Variants in CSMD1 observed in about 807,000 individuals in gnomAD.
The protein encoded by CSMD1 is CUB and Sushi multiple domains 1.
A neutral mutation model predicts 417.5 loss-of-function variants in CSMD1; 213 were observed. That is an observed-to-expected ratio of 0.51 (90% CI 0.46 to 0.57). The LOEUF (loss-of-function observed/expected upper bound fraction) is 0.57. Among genes scored for constraint, CSMD1 ranks in the 20% least tolerant of loss-of-function variants. The pLI is 0.00. For synonymous variants in CSMD1, 2,862 were observed against 1,736.8 expected, an observed-to-expected ratio of 1.65 and a Z score of -16.11; for missense variants, 6,923 against 4,529.7, an observed-to-expected ratio of 1.53 and a Z score of -15.17.
At chr8:4,534,056 C>T (rs11136748) in intron 2 of CSMD1, among the ~76,000 whole-genome samples, 61,051 of 151,750 alleles carry the variant, frequency 0.4, 12,684 homozygotes, top group Middle Eastern at 0.5. Flanking sequence ...TATTGTAATT[C>T]AGGCATATGT....
In CSMD1 at chr8:4,604,408, T is replaced by TGC. The variant is rs766177830; in HGVS notation, c.302+32933_302+32934insGC. Among the ~76,000 whole-genome samples the TGC allele has an allele frequency of 2.0e-4, 12 of 59,388 alleles. No individual in the cohort carries two copies. In the East Asian group the frequency reaches 3.1e-3, roughly 16 times the overall value. The allele number at this position is 59,388 out of a possible 152,430, so 39.0% of individuals were successfully genotyped here. ...GTGTGTGTGTGTGTGTGTGTGTGTGTGTGCGCGTGCGTAAAGACTAGGATC... is the reference window on the plus strand; with the variant it reads ...GTGTGTGTGTGTGTGTGTGTGTGTGTGCGTGCGCGTGCGTAAAGACTAGGATC... On this transcript the variant is annotated intron_variant, in intron 2 of 69. Transcript: ENST00000635120.
chr8:3,153,719 G>A (rs1031258830), intron 39 of CSMD1, among the ~76,000 whole-genome samples: 5 of 152,150 alleles, frequency 3.3e-5, no homozygotes, highest in Non-Finnish European at 4.4e-5. Context: ...GGACCTCAGC[G>A]TAGACAGCAT....
chr8:4,113,590 G>A (rs1801974762), intron 3 of CSMD1, among the ~76,000 whole-genome samples: 1 of 151,950 alleles, frequency 6.6e-6, no homozygotes, highest in Non-Finnish European at 1.5e-5. Flanking sequence ...TATTTTAGTA[G>A]AGACAGAGTT....
intron 18 of CSMD1, among the ~76,000 whole-genome samples, chr8:3,378,233 G>C (rs1037233024): frequency 4.6e-5 from 7 of 152,168 alleles, no homozygotes; most frequent in African/African-American, 1.4e-4. Flanking sequence ...CCAAAAACAA[G>C]TTCTGAAATT....
At chr8:4,793,064 A>C (rs1420225938) in intron 1 of CSMD1, among the ~76,000 whole-genome samples, 1 of 152,058 alleles carries the variant, frequency 6.6e-6, no homozygotes, top group African/African-American at 2.4e-5. Context: ...TCAAACATCC[A>C]AGTGGAAAAT....
chr8:4,280,423 C>G (rs1217480800), intron 3 of CSMD1, among the ~76,000 whole-genome samples: 1 of 152,146 alleles, frequency 6.6e-6, no homozygotes, highest in Admixed American at 6.5e-5. Context: ...AATTTTAGTA[C>G]CGAAATGTGC....
In CSMD1 at chr8:3,896,290, G is replaced by A. The variant is rs963370597; in HGVS notation, c.818+101613C>T. On this transcript the variant is annotated intron_variant, in intron 5 of 69. Coordinates refer to ENST00000635120, the MANE Select transcript of CSMD1 (RefSeq NM_033225.6). Reference sequence around the variant, plus strand: ...CTTGTATCTGTCTATGAGTGACATCGCCTTGGGAAAAATGCATAAATGTAT... The same window carrying A: ...CTTGTATCTGTCTATGAGTGACATCACCTTGGGAAAAATGCATAAATGTAT... 3.9e-5 allele frequency among the ~76,000 whole-genome samples: 6 copies of A among 152,160 alleles called. No homozygotes were observed. In the East Asian group the frequency reaches 9.7e-4, roughly 24 times the overall value.
At chr8:4,074,961 G>C (rs1336091061) in intron 3 of CSMD1, among the ~76,000 whole-genome samples, 7 of 152,108 alleles carry the variant, frequency 4.6e-5, no homozygotes, top group African/African-American at 1.4e-4. Flanking sequence ...GTGACAGTTT[G>C]AGTCTGCCTT....
intron 1 of CSMD1, among the ~76,000 whole-genome samples, chr8:4,973,966 A>G (rs935792296): frequency 6.6e-6 from 1 of 152,156 alleles, no homozygotes; most frequent in Non-Finnish European, 1.5e-5. Context: ...TAAGTCACTT[A>G]ATAACAAGCC....
At chr8:3,319,016 T>G (rs1464229839) in intron 23 of CSMD1, among the ~76,000 whole-genome samples, 1 of 152,206 alleles carries the variant, frequency 6.6e-6, no homozygotes, top group Non-Finnish European at 1.5e-5. Context: ...ATTCAGCCAT[T>G]CCTATGGATC....
Position 3,462,014 on chromosome 8 carries a change from G to C in CSMD1, c.1561+6698C>G, listed in dbSNP as rs189789243. Among the ~76,000 whole-genome samples, 317 of 152,274 alleles carry C rather than the reference G, an allele frequency of 2.1e-3. 1 individual carries two copies. The highest frequency in any genetic ancestry group is 7.4e-3 in the African/African-American group (308 of 41,560). On this transcript the variant is annotated intron_variant, in intron 12 of 69. Transcript: ENST00000635120. ...CACGTGTTCCTAGGAAACGAGGCCA[G>C]TCAGAATCCTAGAGAAGCTGTTTCC...
Position 4,399,419 on chromosome 8 carries a change from A to G in CSMD1, c.415+20534T>C, listed in dbSNP as rs190459934. On this transcript the variant is annotated intron_variant, in intron 3 of 69. Coordinates refer to ENST00000635120, the MANE Select transcript of CSMD1 (RefSeq NM_033225.6). ...GGCAAGGGCTAAAGAGGTTAACGTC[A>G]TATGTGAGAAATTGATGAGCCTTTC... 1.7e-3 allele frequency among the ~76,000 whole-genome samples: 260 copies of G among 152,352 alleles called. 1 individual carries two copies. The highest frequency in any genetic ancestry group is 5.7e-3 in the African/African-American group (239 of 41,588).
rs565790311 is a variant in CSMD1, at chr8:4,848,466, A to T, written c.85+145866T>A. Among the ~76,000 whole-genome samples the T allele has an allele frequency of 1.2e-4, 18 of 152,138 alleles. No homozygotes were observed. In the East Asian group the frequency reaches 3.3e-3, roughly 28 times the overall value. On this transcript the variant is annotated intron_variant, in intron 1 of 69. Transcript: ENST00000635120. Reference sequence around the variant, plus strand: ...GTGCATTACTCATGGGTTTGTTGTGATGTTGGTGCAAACAAATCTATCGTG... The same window carrying T: ...GTGCATTACTCATGGGTTTGTTGTGTTGTTGGTGCAAACAAATCTATCGTG...
chr8:4,409,808 C>G (rs146224669), intron 3 of CSMD1, among the ~76,000 whole-genome samples: 234 of 152,036 alleles, frequency 1.5e-3, no homozygotes, highest in African/African-American at 5.3e-3. Context: ...ATAACAATAC[C>G]GTACTTTTAG....
chr8:4,407,938 C>G (rs1407479063), intron 3 of CSMD1, among the ~76,000 whole-genome samples: 1 of 152,124 alleles, frequency 6.6e-6, no homozygotes, highest in African/African-American at 2.4e-5. Context: ...CTTATTCCTG[C>G]ACAAAATCTC....
chr8:3,963,109 T>C (rs745766821), intron 5 of CSMD1, among the ~76,000 whole-genome samples: 26 of 152,120 alleles, frequency 1.7e-4, no homozygotes, highest in Non-Finnish European at 3.7e-4. Context: ...TTTTGTGTTT[T>C]TTAGTAGAGA....
chr8:3,975,570 A>G (rs1046188149), intron 5 of CSMD1, among the ~76,000 whole-genome samples: 1 of 152,128 alleles, frequency 6.6e-6, no homozygotes, highest in Non-Finnish European at 1.5e-5. Flanking sequence ...GCAGCGCTTT[A>G]TCAGAGAGAA....
intron 3 of CSMD1, among the ~76,000 whole-genome samples, chr8:4,321,029 C>CATA (rs1193924074): frequency 6.6e-6 from 1 of 152,164 alleles, no homozygotes; most frequent in Non-Finnish European, 1.5e-5. Flanking sequence ...CATACACATT[C>CATA]ATATTTTCAC....
intron 3 of CSMD1, among the ~76,000 whole-genome samples, chr8:4,375,077 A>G (rs17070091): frequency 0.028 from 4,319 of 151,996 alleles, 93 homozygotes; most frequent in Middle Eastern, 0.051. Context: ...GGAGTGATGA[A>G]TATTTCCAGG....
Sources: allele counts gnomAD v4.1 joint callset (sites outside exome capture counted in the v4.1 genomes callset), GRCh38; gene constraint gnomAD v4.1.1; transcripts MANE v1.5; gene names NCBI Gene and HGNC (gene_info 2026-07-23, HGNC 2026-07-21).